Variants in SLC26A8 observed in about 807,000 individuals in gnomAD.
The protein encoded by SLC26A8 is testis anion transporter 1.
SLC26A8 carries 70 observed loss-of-function variants against 105.0 expected under a neutral mutation model. The ratio of observed to expected loss-of-function variants is 0.67; its 90% CI spans 0.55 to 0.81. The LOEUF is 0.81. Among genes scored for constraint, SLC26A8 ranks in the 40% least tolerant of loss-of-function variants. The pLI, the probability that SLC26A8 is intolerant of heterozygous loss-of-function variation, is 0.00. For synonymous variants in SLC26A8, 415 were observed against 438.3 expected (o/e 0.95, Z 0.66); for missense variants, 998 against 1,181.8 (o/e 0.84, Z 2.28).
intron 7 of SLC26A8, among the ~76,000 whole-genome samples, chr6:35,988,583 C>G (rs1320385537): frequency 6.6e-6 from 1 of 151,536 alleles, no homozygotes; most frequent in South Asian, 2.1e-4. Context: ...TGCAGTGGGC[C>G]GAGATCATGC....
intron 10 of SLC26A8, among the ~76,000 whole-genome samples, chr6:35,974,328 C>A (rs1466230309): frequency 6.6e-6 from 1 of 151,990 alleles, no homozygotes; most frequent in African/African-American, 2.4e-5. Context: ...AAAACAAAAA[C>A]AAAAACAAAA....
chr6:35,972,889 A>G (rs984064930), intron 10 of SLC26A8, among the ~76,000 whole-genome samples: 1 of 152,202 alleles, frequency 6.6e-6, no homozygotes, highest in African/African-American at 2.4e-5. Flanking sequence ...TGGCACAGCC[A>G]GTCTTCCTCC....
chr6:35,997,706 C>T (rs551805751), intron 5 of SLC26A8, 32 bp downstream of exon 5: 2 of 1,605,664 alleles, frequency 1.2e-6, no homozygotes, highest in African/African-American at 1.3e-5. Context: ...TTATTCAGTT[C>T]CTTTTCAGGG....
chr6:36,003,479 T>C (rs1761585101), intron 3 of SLC26A8, among the ~76,000 whole-genome samples: 1 of 152,146 alleles, frequency 6.6e-6, no homozygotes, highest in South Asian at 2.1e-4. Context: ...CCATTTTTAT[T>C]GTGAAATATA....
rs1258486398 is a variant in SLC26A8 at position 35,981,261 on chromosome 6, A to G, written c.1025+860T>C. Among the ~76,000 whole-genome samples, 2 of 152,170 alleles carry G rather than the reference A, an allele frequency of 1.3e-5. No individual in the cohort carries two copies. The highest frequency in any genetic ancestry group is 2.9e-5 in the Non-Finnish European group (2 of 68,028). ...GTCACTGGTAGGAATTATAATGTAAATTGATTGTGAGTCCTTAAGAACTCC... is the reference window on the plus strand; with the variant it reads ...GTCACTGGTAGGAATTATAATGTAAGTTGATTGTGAGTCCTTAAGAACTCC... On this transcript the variant is annotated intron_variant, in intron 8 of 19. Coordinates refer to ENST00000490799, the MANE Select transcript of SLC26A8 (RefSeq NM_052961.4). This position sits in a 1 kb window ranked among gnomAD's most constrained non-coding sequence, Gnocchi z 4.0.
Position 36,013,345 on chromosome 6 carries a change from C to T in SLC26A8, c.189-973G>A, listed in dbSNP as rs574949415. ...CTGAGTAGCTGGGATTACAGGCATGCGCCACCATGCCTGGCTAATTTTTGT... is the reference window on the plus strand; with the variant it reads ...CTGAGTAGCTGGGATTACAGGCATGTGCCACCATGCCTGGCTAATTTTTGT... On this transcript the variant is annotated intron_variant, in intron 2 of 19. Coordinates refer to ENST00000490799, the MANE Select transcript of SLC26A8 (RefSeq NM_052961.4). Among the ~76,000 whole-genome samples, 23 of 152,112 alleles carry T rather than the reference C, an allele frequency of 1.5e-4. No individual in the cohort carries two copies. In the South Asian group the frequency reaches 1.9e-3, roughly 12 times the overall value.
intron 10 of SLC26A8, chr6:35,969,244 A>C: frequency 3.1e-6 from 1 of 322,678 alleles, no homozygotes. Flanking sequence ...TATGAATCTG[A>C]ATTCTCCTAA....
intron 3 of SLC26A8, among the ~76,000 whole-genome samples, chr6:36,005,009 CTT>C (rs2127362280): frequency 6.6e-6 from 1 of 152,062 alleles, no homozygotes; most frequent in African/African-American, 2.4e-5. Context: ...AAGAAAAAAT[CTT>C]TTGTTAGTTT....
chr6:35,955,017 G>T, intron 17 of SLC26A8, 135 bp downstream of exon 17: 2 of 924,584 alleles, frequency 2.2e-6, no homozygotes, highest in Non-Finnish European at 3.4e-6. Context: ...TACTGCCTTT[G>T]GTGTCCAAGG....
At position 36,019,495 on chromosome 6, in the gene SLC26A8, C is replaced by G. The variant is rs141308593; in HGVS notation, c.188+25G>C. The G allele has an allele frequency of 6.1e-4, 975 of 1,603,594 alleles. 7 individuals carry two copies. The East Asian group carries it at 0.018, about 29-fold the overall frequency. ...GTTTCAGTCCTGCCCGGCTCGGCAG[C>G]AGGTGAAAGATTGGACACACGCACC... is the stretch of plus-strand genomic sequence containing the variant. On this transcript the variant is annotated intron_variant, in intron 2 of 19. Transcript: ENST00000490799.
chr6:35,966,831 AT>A (rs1310349266), intron 11 of SLC26A8, among the ~76,000 whole-genome samples: 1 of 152,206 alleles, frequency 6.6e-6, no homozygotes, highest in Non-Finnish European at 1.5e-5. Context: ...TATAAAATTA[AT>A]GTGATGTAAT....
chr6:35,966,370 T>C lies in SLC26A8; in HGVS notation c.1365+2507A>G, dbSNP rs140929856. On this transcript the variant is annotated intron_variant, in intron 11 of 19. Coordinates refer to ENST00000490799, the MANE Select transcript of SLC26A8 (RefSeq NM_052961.4). ...TCAACCTCATAGGGTTTTTGAAAGG[T>C]TTTTGACTTGAGGCAGGGAGTATGG... Among the ~76,000 whole-genome samples, 8 of 152,282 alleles carry C rather than the reference T, an allele frequency of 5.3e-5. No homozygotes were observed. In the East Asian group the frequency reaches 1.5e-3, roughly 29 times the overall value.
chr6:35,981,398 T>C lies in SLC26A8; in HGVS notation c.1025+723A>G, dbSNP rs543465588. Among the ~76,000 whole-genome samples the C allele has an allele frequency of 1.1e-4, 17 of 152,230 alleles. No homozygotes were observed. The highest frequency in any genetic ancestry group is 4.1e-4 in the African/African-American group (17 of 41,552). On this transcript the variant is annotated intron_variant, in intron 8 of 19. Coordinates refer to ENST00000490799, the MANE Select transcript of SLC26A8 (RefSeq NM_052961.4). This position sits in a 1 kb window ranked among gnomAD's most constrained non-coding sequence, Gnocchi z 4.0. Reference sequence around the variant, plus strand: ...GCTCATGCCTGTAATCCCAGCACTATAGGAGGCCAAGGCAGGAGGAATGTT... The same window carrying C: ...GCTCATGCCTGTAATCCCAGCACTACAGGAGGCCAAGGCAGGAGGAATGTT...
intron 11 of SLC26A8, among the ~76,000 whole-genome samples, chr6:35,964,551 G>T (rs1164212617): frequency 1.3e-5 from 2 of 152,044 alleles, no homozygotes; most frequent in Non-Finnish European, 2.9e-5. Context: ...GGAGGCTGAG[G>T]CATGAGAATC....
intron 17 of SLC26A8, chr6:35,954,819 C>G (rs1771994746): frequency 3.6e-6 from 1 of 278,174 alleles, no homozygotes; most frequent in African/African-American, 2.2e-5. Flanking sequence ...GTGACACATG[C>G]CTGTAGTTCC....
intron 3 of SLC26A8, among the ~76,000 whole-genome samples, chr6:36,003,391 G>T (rs1761582614): frequency 6.6e-6 from 1 of 152,032 alleles, no homozygotes; most frequent in Non-Finnish European, 1.5e-5. Flanking sequence ...TGGCCTAATT[G>T]TCTATCTCTG....
Position 36,019,644 on chromosome 6 carries a change from C to T in SLC26A8, c.64G>A (p.Ala22Thr), listed in dbSNP as rs557709759. The change falls in exon 2 of 20, where the codon GCA becomes ACA. Residue 22 changes from alanine to threonine, a missense_variant. By Grantham distance (58) the Ala-to-Thr change is moderately conservative. Coordinates refer to ENST00000490799, the MANE Select transcript of SLC26A8 (RefSeq NM_052961.4). Reference sequence around the variant, plus strand: ...TATACTTCACGCTTAACATCATATGCGAATGAGTTTCGCCTGGACTTAGAG... The same window carrying T: ...TATACTTCACGCTTAACATCATATGTGAATGAGTTTCGCCTGGACTTAGAG... ...FSSKSRRNSF[A>T]YDVKREVYNE... is the part of the protein sequence containing the mutation. 15 of 1,614,066 alleles carry T rather than the reference C, an allele frequency of 9.3e-6. No individual in the cohort carries two copies. Among genetic ancestry groups the T allele is most frequent in the East Asian group, 4.5e-5 (2 of 44,878 alleles).
intron 7 of SLC26A8, chr6:35,989,375 A>G (rs1475579403): frequency 2.2e-4 from 33 of 151,926 alleles, no homozygotes; most frequent in Non-Finnish European, 7.4e-5. Flanking sequence ...TTTTTCTTTC[A>G]TGCTACATAA....
chr6:35,984,437 C>T (rs1222299587), intron 7 of SLC26A8, among the ~76,000 whole-genome samples: 8 of 151,188 alleles, frequency 5.3e-5, no homozygotes. Flanking sequence ...ATTCTCCTGC[C>T]TCCACCTCCT....
Sources: gnomAD v4.1 joint callset for allele counts (sites outside exome capture counted in the v4.1 genomes callset) on GRCh38, gnomAD v4.1.1 for gene constraint, Gnocchi (gnomAD v3.1) non-coding constraint, MANE v1.5 for transcripts, NCBI Gene and HGNC (gene_info 2026-07-23, HGNC 2026-07-21) for gene names.